Variants in RFTN1 observed in about 807,000 individuals in gnomAD.
The protein encoded by RFTN1 is raftlin.
A neutral mutation model predicts 46.5 loss-of-function variants in RFTN1; 26 were observed. The observed-to-expected ratio is 0.56, with a 90% CI of 0.41 to 0.78. The LOEUF is 0.78. Among genes scored for constraint, RFTN1 ranks in the 30% least tolerant of loss-of-function variants. RFTN1 has a pLI of 0.00. For missense variants in RFTN1, 693 were observed against 718.7 expected (o/e 0.96, Z 0.41); for synonymous variants, 261 against 284.2 (o/e 0.92, Z 0.82).
rs1189910350 is a variant in RFTN1, at chr3:16,327,517, TG to T, written c.1147-642del. Among the ~76,000 whole-genome samples, 1 of 151,968 alleles carries T rather than the reference TG, an allele frequency of 6.6e-6. No homozygotes were observed. ...GCTCACGTCTGTAATCCCAGCACTT[TG>T]GGAGGCTGAGGCAGGTGGATCACAT... On this transcript the variant is annotated intron_variant, in intron 7 of 9. Transcript: ENST00000334133. The surrounding 1 kb of genome is among the most constrained non-coding windows in gnomAD (Gnocchi z 4.2).
chr3:16,500,649 T>C lies in RFTN1; in HGVS notation c.-8-6772A>G, dbSNP rs766345419. 7.2e-5 allele frequency among the ~76,000 whole-genome samples: 11 copies of C among 152,344 alleles called. No individual in the cohort carries two copies. Among genetic ancestry groups the C allele is most frequent in the African/African-American group, 1.2e-4 (5 of 41,584 alleles). ...GATCTGGAAACAAAGATCCCTTGAATGGTGATCTTCTGGAAAAAATTTTGG... is the reference window on the plus strand; with the variant it reads ...GATCTGGAAACAAAGATCCCTTGAACGGTGATCTTCTGGAAAAAATTTTGG... On this transcript the variant is annotated intron_variant, in intron 1 of 9. Transcript: ENST00000334133. The surrounding 1 kb of genome is among the most constrained non-coding windows in gnomAD (Gnocchi z 5.9).
chr3:16,425,176 G>A lies in RFTN1; in HGVS notation c.332+8675C>T, dbSNP rs537745899. On this transcript the variant is annotated intron_variant, in intron 3 of 9. Transcript: ENST00000334133. The surrounding 1 kb of genome is among the most constrained non-coding windows in gnomAD (Gnocchi z 4.3). ...TTATGCATACGATTCTCAAAATCAT[G>A]TCCCTGTAGTCTACCTTGCAATGCT... 2.0e-5 allele frequency among the ~76,000 whole-genome samples: 3 copies of A among 152,266 alleles called. No homozygotes were observed. Among genetic ancestry groups the A allele is most frequent in the Admixed American group, 2.0e-4 (3 of 15,290 alleles).
chr3:16,453,060 T>G (rs1458522599), intron 2 of RFTN1, among the ~76,000 whole-genome samples: 1 of 152,228 alleles, frequency 6.6e-6, no homozygotes, highest in African/African-American at 2.4e-5. Flanking sequence ...TTATATGCTT[T>G]ACAAGCATCC....
chr3:16,446,375 A>AT lies in RFTN1; in HGVS notation c.146-12339dup, dbSNP rs1482061251. Among the ~76,000 whole-genome samples, 2 of 152,048 alleles carry AT rather than the reference A, an allele frequency of 1.3e-5. No homozygotes were observed. The highest frequency in any genetic ancestry group is 4.8e-5 in the African/African-American group (2 of 41,402). ...TTTAGGTACCGTTAGGGAAATTCAC[A>AT]TTGTCGTGCAACCATCACCACCATC... On this transcript the variant is annotated intron_variant, in intron 2 of 9. Transcript: ENST00000334133. This position sits in a 1 kb window ranked among gnomAD's most constrained non-coding sequence, Gnocchi z 4.5.
At chr3:16,355,367 G>A (rs2072369085) in intron 7 of RFTN1, among the ~76,000 whole-genome samples, 1 of 152,208 alleles carries the variant, frequency 6.6e-6, no homozygotes, top group African/African-American at 2.4e-5. Context: ...TCACATTTCT[G>A]GAGGCTGGCA....
rs1333950628 is a variant in RFTN1, at chr3:16,510,375, G to GA, written c.-9+3066dup. On this transcript the variant is annotated intron_variant, in intron 1 of 9. Transcript: ENST00000334133. Reference sequence around the variant, plus strand: ...GCTTGGGGTTATTTTTCTTTTTATAGAAAGCACTCAATCAATCTTCTTTCA... The same window carrying GA: ...GCTTGGGGTTATTTTTCTTTTTATAGAAAAGCACTCAATCAATCTTCTTTCA... Among the ~76,000 whole-genome samples the GA allele has an allele frequency of 2.1e-4, 32 of 152,270 alleles. No individual in the cohort carries two copies. The East Asian group carries it at 5.0e-3, about 24-fold the overall frequency.
chr3:16,416,574 T>C (rs1177689182), intron 3 of RFTN1, among the ~76,000 whole-genome samples: 2 of 152,232 alleles, frequency 1.3e-5, no homozygotes, highest in African/African-American at 4.8e-5. Context: ...TTCTCTGGAA[T>C]ACCTTTGCAA....
rs1289684186 is a variant in RFTN1, at chr3:16,391,539, CTT to C, written c.442-13439_442-13438del. Among the ~76,000 whole-genome samples the C allele has an allele frequency of 2.0e-5, 3 of 152,120 alleles. No homozygotes were observed. The East Asian group carries it at 5.8e-4, about 29-fold the overall frequency. ...TTTTTAACCTTAAAAGGAAAACAAA[CTT>C]TGTAAAAATAATAGCCCTTATATTG... On this transcript the variant is annotated intron_variant, in intron 4 of 9. Transcript: ENST00000334133.
At chr3:16,494,961 T>C (rs1243702006) in intron 1 of RFTN1, among the ~76,000 whole-genome samples, 3 of 152,170 alleles carry the variant, frequency 2.0e-5, no homozygotes, top group African/African-American at 4.8e-5. Flanking sequence ...CCCAGCTTCC[T>C]AAGGCAATTT....
In RFTN1 at chr3:16,502,062, A is replaced by G. The variant is rs557229341; in HGVS notation, c.-8-8185T>C. Among the ~76,000 whole-genome samples, 175 of 152,292 alleles carry G rather than the reference A, an allele frequency of 1.1e-3. 1 individual carries two copies. Among genetic ancestry groups the G allele is most frequent in the Admixed American group, 1.8e-3 (28 of 15,310 alleles). ...TCTGAGTCATGACACTATGGGCTAC[A>G]TTTTCAAGTTTTCTTTGTTGAGCAT... On this transcript the variant is annotated intron_variant, in intron 1 of 9. Coordinates refer to ENST00000334133, the MANE Select transcript of RFTN1 (RefSeq NM_015150.2).
chr3:16,390,958 C>T (rs1449207119), intron 4 of RFTN1, among the ~76,000 whole-genome samples: 1 of 152,160 alleles, frequency 6.6e-6, no homozygotes, highest in Non-Finnish European at 1.5e-5. Flanking sequence ...CTGATTTCTA[C>T]TCCCTGTACC....
At chr3:16,454,838 TCTC>T (rs1017648480) in intron 2 of RFTN1, 4 of 944,252 alleles carry the variant, frequency 4.2e-6, no homozygotes, top group Non-Finnish European at 5.0e-6. Context: ...TTCATTTTCT[TCTC>T]CTCACAACTA....
intron 4 of RFTN1, among the ~76,000 whole-genome samples, chr3:16,399,293 G>C (rs192223761): frequency 6.6e-6 from 1 of 152,196 alleles, no homozygotes; most frequent in Non-Finnish European, 1.5e-5. Flanking sequence ...AACAACCTCA[G>C]AACTATCCTA....
In RFTN1 at chr3:16,378,010, C is replaced by T; in HGVS notation, c.534G>A (p.Val178=). Residue 178 remains valine (V), a synonymous_variant, in exon 5 of 10, where the codon GTG becomes GTA. Transcript: ENST00000334133. ...CATCCTCGGTGCTGTTGGCAGTAGA[C>T]ACCGGAGCACTGCTGCCTGCCGAGT... ...SVNSAGSSAP[V]STANSTEDAR... 6.2e-7 allele frequency: 1 copy of T among 1,614,244 alleles called. No individual in the cohort carries two copies. Among genetic ancestry groups the T allele is most frequent in the East Asian group, 2.2e-5 (1 of 44,892 alleles).
rs1471648396 is a variant in RFTN1, at chr3:16,450,475, T to C, written c.146-16438A>G. Among the ~76,000 whole-genome samples the C allele has an allele frequency of 1.3e-5, 2 of 152,202 alleles. No individual in the cohort carries two copies. Among genetic ancestry groups the C allele is most frequent in the Non-Finnish European group, 2.9e-5 (2 of 68,044 alleles). ...CCAAGGGCTCTCTCCCACTGCACCA[T>C]GATGCTGCATGACCTGAAGTCCACC... On this transcript the variant is annotated intron_variant, in intron 2 of 9. Transcript: ENST00000334133. This position sits in a 1 kb window ranked among gnomAD's most constrained non-coding sequence, Gnocchi z 4.6.
intron 3 of RFTN1, among the ~76,000 whole-genome samples, chr3:16,416,746 GA>G (rs2075088677): frequency 6.6e-6 from 1 of 152,168 alleles, no homozygotes; most frequent in Non-Finnish European, 1.5e-5. Flanking sequence ...ATTCTAAGAG[GA>G]AAATAAACCT....
chr3:16,391,347 G>T (rs2074337276), intron 4 of RFTN1, among the ~76,000 whole-genome samples: 1 of 151,638 alleles, frequency 6.6e-6, no homozygotes, highest in South Asian at 2.1e-4. Flanking sequence ...ACATATCCTG[G>T]GTTACATGTA....
intron 5 of RFTN1, 139 bp downstream of exon 5, chr3:16,377,579 T>A (rs1351545080): frequency 3.1e-5 from 43 of 1,367,308 alleles, no homozygotes; most frequent in Non-Finnish European, 4.1e-5. Flanking sequence ...AACTGCTTGA[T>A]AAAGTTTCTC....
rs10610054 is a variant in RFTN1, at chr3:16,418,677, A to AT, written c.333-9195dup. Among the ~76,000 whole-genome samples the AT allele has an allele frequency of 1.9e-3, 278 of 149,152 alleles. 1 individual carries two copies. The highest frequency in any genetic ancestry group is 4.8e-3 in the African/African-American group (194 of 40,754). On this transcript the variant is annotated intron_variant, in intron 3 of 9. Transcript: ENST00000334133. The surrounding 1 kb of genome is among the most constrained non-coding windows in gnomAD (Gnocchi z 5.0). ...TCAAATAGAATAATCAGAACAGCTTATTTTTTTTTTTTTAAAGAAGTATTA... is the reference window on the plus strand; with the variant it reads ...TCAAATAGAATAATCAGAACAGCTTATTTTTTTTTTTTTTAAAGAAGTATTA...
Sources: allele counts gnomAD v4.1 joint callset (sites outside exome capture counted in the v4.1 genomes callset), GRCh38; gene constraint gnomAD v4.1.1; non-coding constraint Gnocchi (gnomAD v3.1); transcripts MANE v1.5; gene names NCBI Gene and HGNC (gene_info 2026-07-23, HGNC 2026-07-21).